Variants in CHD5 observed in about 807,000 individuals in gnomAD.
CHD5 encodes ATP-dependent chromatin remodeler CHD5.
CHD5 carries 69 observed loss-of-function variants against 230.3 expected under a neutral mutation model. The observed-to-expected ratio is 0.30, with a 90% confidence interval of 0.25 to 0.37. CHD5 has a LOEUF of 0.37. Ranked by LOEUF, CHD5 falls within the 10% of genes least tolerant of loss-of-function variation. CHD5 has a pLI of 1.00. For missense variants in CHD5, 1,827 were observed against 2,622.8 expected (o/e 0.70, Z 6.63); for synonymous variants, 1,064 against 1,065.9 (o/e 1.00, Z 0.03).
At chr1:6,109,647 T>C (rs1666253238) in intron 38 of CHD5, 148 bp downstream of exon 38, 2 of 691,048 alleles carry the variant, frequency 2.9e-6, no homozygotes, top group African/African-American at 3.6e-5. Flanking sequence ...GACAGGACTG[T>C]TCCATCTTGG....
intron 3 of CHD5, among the ~76,000 whole-genome samples, chr1:6,158,148 T>C (rs1557558374): frequency 6.6e-6 from 1 of 152,210 alleles, no homozygotes; most frequent in Non-Finnish European, 1.5e-5. Context: ...ACCTCACCCC[T>C]GGCCTCTCCA....
intron 11 of CHD5, among the ~76,000 whole-genome samples, chr1:6,144,579 G>A (rs1455811591): frequency 2.6e-5 from 4 of 152,228 alleles, no homozygotes; most frequent in Non-Finnish European, 5.9e-5. Context: ...TGCCCACGTA[G>A]GGTGAGGAGT....
At chr1:6,135,172 A>T (rs923299666) in intron 18 of CHD5, 58 bp downstream of exon 18, 5 of 1,598,816 alleles carry the variant, frequency 3.1e-6, no homozygotes, top group Admixed American at 3.3e-5. Flanking sequence ...TCGACCCAGG[A>T]GACCAGCCCA....
At position 6,126,946 on chromosome 1, in the gene CHD5, T is replaced by G; in HGVS notation, c.3904-200A>C. Reference sequence around the variant, plus strand: ...TCCCTGCCCCTATCCAGTCAATCATTTACTTATTCATCCATCCATTCACAA... The same window carrying G: ...TCCCTGCCCCTATCCAGTCAATCATGTACTTATTCATCCATCCATTCACAA... On this transcript the variant is annotated intron_variant, in intron 25 of 41. Transcript: ENST00000262450. This position sits in a 1 kb window ranked among gnomAD's most constrained non-coding sequence, Gnocchi z 5.7. 1 of 592,154 alleles carries G rather than the reference T, an allele frequency of 1.7e-6. No homozygotes were observed. Among genetic ancestry groups the G allele is most frequent in the Non-Finnish European group, 3.0e-6 (1 of 332,332 alleles). 36.7% of individuals were successfully genotyped at this position (592,154 alleles called of 1,614,324 possible).
chr1:6,124,938 G>A lies in CHD5; in HGVS notation c.4394+162C>T, dbSNP rs992660392. Among the ~76,000 whole-genome samples, 8 of 152,292 alleles carry A rather than the reference G, an allele frequency of 5.3e-5. No homozygotes were observed. In the East Asian group the frequency reaches 5.8e-4, roughly 11 times the overall value. On this transcript the variant is annotated intron_variant, in intron 29 of 41. Coordinates refer to ENST00000262450, the MANE Select transcript of CHD5 (RefSeq NM_015557.3). ...CAGTGTTTGCAAATCAGCCCTGCCC[G>A]GCACCAGGACTCTAGCCACCCAAAG...
chr1:6,146,779 G>T lies in CHD5; in HGVS notation c.1476C>A (p.Asp492Glu). ...TAGGTGGAGGGAGGCTGGGCTCCAC[G>T]TCAGGCCCCGGCAGCCCCACCATGA... The part of the protein sequence containing the change: ...APFMVGLPGP[D>E]VEPSLPPPKP... The change falls in exon 10 of 42, where the codon GAC becomes GAA. Residue 492 changes from aspartate (D) to glutamate (E), a missense_variant. Asp to Glu is a conservative substitution (Grantham distance 45, BLOSUM62 2). Transcript: ENST00000262450. This position sits in a 1 kb window ranked among gnomAD's most constrained non-coding sequence, Gnocchi z 5.1. 2 of 1,601,026 alleles carry T rather than the reference G, an allele frequency of 1.2e-6. No individual in the cohort carries two copies. The highest frequency in any genetic ancestry group is 8.5e-7 in the Non-Finnish European group (1 of 1,172,538).
At chr1:6,157,870 G>A (rs1053883930) in intron 3 of CHD5, among the ~76,000 whole-genome samples, 10 of 152,102 alleles carry the variant, frequency 6.6e-5, no homozygotes, top group East Asian at 1.9e-4. Flanking sequence ...ATCCGTCTCC[G>A]GTGACTCACA....
chr1:6,122,129 T>C (rs916294918), intron 31 of CHD5, among the ~76,000 whole-genome samples: 1 of 152,218 alleles, frequency 6.6e-6, no homozygotes, highest in African/African-American at 2.4e-5. Context: ...AACCAAGATG[T>C]GTCCACCTCC....
At chr1:6,160,339 G>GAA (rs1667153136) in intron 2 of CHD5, among the ~76,000 whole-genome samples, 5 of 69,572 alleles carry the variant, frequency 7.2e-5, no homozygotes, top group Admixed American at 5.4e-4. Context: ...CCCCAGCAAG[G>GAA]GAAGAGCCCC....
At chr1:6,119,783 GTATATACGTACGTATGTACGTACA>G (rs1322260717) in intron 33 of CHD5, among the ~76,000 whole-genome samples, 4 of 147,036 alleles carry the variant, frequency 2.7e-5, no homozygotes, top group African/African-American at 7.5e-5. Context: ...ACATATGTGC[GTATATACGTACGTATGTACGTACA>G]TATATACGTA....
intron 1 of CHD5, among the ~76,000 whole-genome samples, chr1:6,174,561 G>A (rs1667390468): frequency 6.6e-6 from 1 of 150,880 alleles, no homozygotes. Flanking sequence ...GACACTGGAC[G>A]GATGGTGGAT....
chr1:6,154,604 G>A lies in CHD5; in HGVS notation c.745+56C>T, dbSNP rs920546396. The A allele has an allele frequency of 1.0e-5, 15 of 1,489,136 alleles. No individual in the cohort carries two copies. The highest frequency in any genetic ancestry group is 2.5e-4 in the Middle Eastern group (1 of 4,032). 92.2% of individuals were successfully genotyped at this position (1,489,136 alleles called of 1,614,324 possible). A position where few individuals can be genotyped will look rare whatever the true frequency, so the allele number is the denominator to read the frequency against. ...TCTGCCCCGTGGCTTCTCCTATAGGGTCTGAAAGGGACCTCTTCCCAGCGG... is the reference window on the plus strand; with the variant it reads ...TCTGCCCCGTGGCTTCTCCTATAGGATCTGAAAGGGACCTCTTCCCAGCGG... On this transcript the variant is annotated intron_variant, in intron 5 of 41. Transcript: ENST00000262450. This position sits in a 1 kb window ranked among gnomAD's most constrained non-coding sequence, Gnocchi z 7.0.
rs1484019363 is a variant in CHD5 at position 6,126,420 on chromosome 1, C to G, written c.4078+152G>C. 2 of 691,528 alleles carry G rather than the reference C, an allele frequency of 2.9e-6. No individual in the cohort carries two copies. Among genetic ancestry groups the G allele is most frequent in the Non-Finnish European group, 2.5e-6 (1 of 395,946 alleles). 42.8% of individuals were successfully genotyped at this position (691,528 alleles called of 1,614,324 possible). A position where few individuals can be genotyped will look rare whatever the true frequency, so the allele number is the denominator to read the frequency against. On this transcript the variant is annotated intron_variant, in intron 26 of 41. Coordinates refer to ENST00000262450, the MANE Select transcript of CHD5 (RefSeq NM_015557.3). This position sits in a 1 kb window ranked among gnomAD's most constrained non-coding sequence, Gnocchi z 5.7. ...CAGAATCCTGCCCCACCCTCCGCCT[C>G]TGGGTATGGGACACCCATCCCTCCT... is the stretch of plus-strand genomic sequence containing the variant.
chr1:6,156,087 G>C (rs147859054), intron 3 of CHD5, among the ~76,000 whole-genome samples: 1 of 152,332 alleles, frequency 6.6e-6, no homozygotes, highest in East Asian at 1.9e-4. Flanking sequence ...TGCCCGACCA[G>C]CCTCGGGACA....
At chr1:6,170,020 C>G (rs940396735) in intron 1 of CHD5, among the ~76,000 whole-genome samples, 1 of 152,114 alleles carries the variant, frequency 6.6e-6, no homozygotes, top group African/African-American at 2.4e-5. Context: ...AGGCTTTCAC[C>G]CAGGAAGGGG....
In CHD5 at chr1:6,104,852, G is replaced by C. The variant is rs45512194; in HGVS notation, c.*622C>G. ...TCAGCCAGGGTCTCACCATAGGGCTGGACAGCGGCTCCCCAAACCTGCCCT... is the reference window on the plus strand; with the variant it reads ...TCAGCCAGGGTCTCACCATAGGGCTCGACAGCGGCTCCCCAAACCTGCCCT... On this transcript the variant is annotated 3_prime_UTR_variant, in exon 42 of 42. Transcript: ENST00000262450. 17,165 of 154,896 alleles carry C rather than the reference G, an allele frequency of 0.11. 1,077 individuals are homozygous for C. Among genetic ancestry groups the C allele is most frequent in the East Asian group, 0.19 (1,013 of 5,206 alleles). The allele number at this position is 154,896 out of a possible 1,614,324, so 9.6% of individuals were successfully genotyped here.
chr1:6,152,656 T>C, intron 5 of CHD5, 120 bp from the exon 6 acceptor site: 3 of 1,505,996 alleles, frequency 2.0e-6, no homozygotes, highest in Non-Finnish European at 2.7e-6. Flanking sequence ...CATCACCCCG[T>C]TTCAGATGAG....
At chr1:6,119,722 T>C (rs931756526) in intron 33 of CHD5, among the ~76,000 whole-genome samples, 3 of 151,254 alleles carry the variant, frequency 2.0e-5, no homozygotes, top group Non-Finnish European at 1.5e-5. Context: ...TGTGTGTATA[T>C]ATACGTACAT....
chr1:6,127,038 C>A, intron 25 of CHD5: 1 of 441,174 alleles, frequency 2.3e-6, no homozygotes, highest in Non-Finnish European at 4.1e-6. Flanking sequence ...CCCTTGCCTG[C>A]CCTCAGGAGG....
Sources: allele counts gnomAD v4.1 joint callset (sites outside exome capture counted in the v4.1 genomes callset), GRCh38; gene constraint gnomAD v4.1.1; non-coding constraint Gnocchi (gnomAD v3.1); transcripts MANE v1.5; gene names NCBI Gene and HGNC (gene_info 2026-07-23, HGNC 2026-07-21).